The following DOC2A variants were observed in gnomAD, a reference collection of about 807,000 sequenced individuals.
DOC2A encodes double C2-like domain-containing protein alpha.
In DOC2A, 28 loss-of-function variants were observed where a neutral mutation model predicts 40.6. The observed-to-expected ratio is 0.69, with a 90% CI of 0.51 to 0.95. The LOEUF (loss-of-function observed/expected upper bound fraction) is 0.95. Among genes scored for constraint, DOC2A ranks in the 40% least tolerant of loss-of-function variants. DOC2A has a pLI of 0.00. For synonymous variants in DOC2A, 241 were observed against 236.9 expected (o/e 1.02, Z -0.16); for missense variants, 474 against 552.5 (o/e 0.86, Z 1.42).
At chr16:30,007,340 A>C (rs1262679833) in intron 5 of DOC2A, 41 bp from the exon 6 acceptor site, 2 of 1,613,108 alleles carry the variant, frequency 1.2e-6, no homozygotes, top group South Asian at 1.1e-5. Context: ...GGGGTACCTG[A>C]GCCCCGTTCC....
intron 1 of DOC2A, among the ~76,000 whole-genome samples, chr16:30,019,985 C>T (rs1438417920): frequency 2.0e-5 from 3 of 152,008 alleles, no homozygotes; most frequent in African/African-American, 7.2e-5. Flanking sequence ...TTAGGCTCAC[C>T]GCAACCTCTG....
At chr16:30,013,111 C>CA (rs1431564039), upstream of DOC2A, among the ~76,000 whole-genome samples, 4 of 122,474 alleles carry the variant, frequency 3.3e-5, no homozygotes, top group Non-Finnish European at 6.3e-5. Context: ...CCCTTGAGCT[C>CA]AGAAGTTCAA....
chr16:30,010,089 C>T lies in DOC2A; in HGVS notation c.134G>A (p.Gly45Asp), dbSNP rs1380522223. The T allele has an allele frequency of 6.2e-7, 1 of 1,612,664 alleles. No homozygotes were observed. The highest frequency in any genetic ancestry group is 1.7e-5 in the Admixed American group (1 of 59,984). Residue 45 changes from glycine to aspartate, a missense_variant, in exon 2 of 11, where the codon GGC (glycine) becomes GAC (aspartate). Gly to Asp is a moderately conservative substitution (Grantham distance 94). Transcript: ENST00000350119. This position sits in a 1 kb window ranked among gnomAD's most constrained non-coding sequence, Gnocchi z 4.2. ...YFPRGPGPEG[G>D]GGGGGEAPAH... Reference sequence around the variant, plus strand: ...GGGGGCCTCCCCGCCGCCCCCGCCGCCCCCTTCAGGTCCTGGTCCCCGGGG... The same window carrying T: ...GGGGGCCTCCCCGCCGCCCCCGCCGTCCCCTTCAGGTCCTGGTCCCCGGGG...
At chr16:30,007,388 C>T (rs1686721039) in intron 5 of DOC2A, 89 bp from the exon 6 acceptor site, 1 of 1,577,848 alleles carries the variant, frequency 6.3e-7, no homozygotes, top group African/African-American at 1.3e-5. Context: ...CCAGCTCTGC[C>T]CTAAACACTA....
At chr16:30,007,473 A>G (rs1350631416) in intron 5 of DOC2A, 174 bp from the exon 6 acceptor site, 1 of 828,182 alleles carries the variant, frequency 1.2e-6, no homozygotes, top group African/African-American at 1.7e-5. Context: ...CTCCCTCTGC[A>G]GCCACCCGGC....
intron 1 of DOC2A, among the ~76,000 whole-genome samples, chr16:30,019,134 G>A (rs1023999997): frequency 1.3e-5 from 2 of 152,130 alleles, no homozygotes; most frequent in African/African-American, 4.8e-5. Context: ...CTTGGCCAAC[G>A]TGGTGAAACC....
chr16:30,010,460 G>C lies in DOC2A; in HGVS notation c.-13-225C>G. On this transcript the variant is annotated intron_variant, in intron 1 of 10. Transcript: ENST00000350119. This position sits in a 1 kb window ranked among gnomAD's most constrained non-coding sequence, Gnocchi z 4.2. Reference sequence around the variant, plus strand: ...TGCCAACCCACTCCTTGCAGAAGTCGAGGTTGCACCACCCCGTCCTCACCC... The same window carrying C: ...TGCCAACCCACTCCTTGCAGAAGTCCAGGTTGCACCACCCCGTCCTCACCC... 2 of 624,586 alleles carry C rather than the reference G, an allele frequency of 3.2e-6. No homozygotes were observed. Among genetic ancestry groups the C allele is most frequent in the South Asian group, 3.7e-5 (2 of 54,244 alleles). The allele number at this position is 624,586 out of a possible 1,614,324, so 38.7% of individuals were successfully genotyped here. A position where few individuals can be genotyped will look rare whatever the true frequency, so the allele number is the denominator to read the frequency against.
chr16:30,007,227 G>A lies in DOC2A; in HGVS notation c.600C>T (p.Arg200=). ...AATGCTTCTTCTGCGAAGGCTTGAG[G>A]CGGCGGAGGGGCACGCGGATCTCCC... is the stretch of plus-strand genomic sequence containing the variant. ...FIGEIRVPLR[R]LKPSQKKHFN... Residue 200 remains arginine, a synonymous_variant, in exon 6 of 11, where the codon CGC becomes CGT. Transcript: ENST00000350119. 6.2e-7 allele frequency: 1 copy of A among 1,614,046 alleles called. No individual in the cohort carries two copies.
At chr16:30,012,906 G>A (rs371079028), upstream of DOC2A, among the ~76,000 whole-genome samples, 5 of 151,922 alleles carry the variant, frequency 3.3e-5, no homozygotes, top group African/African-American at 9.7e-5. Flanking sequence ...CAGGAGGATC[G>A]CTTGAACCCG....
chr16:30,016,055 A>ATT (rs59271933), upstream of DOC2A, among the ~76,000 whole-genome samples: 265 of 16,894 alleles, frequency 0.016, 10 homozygotes, highest in Middle Eastern at 0.071. Flanking sequence ...ATATATATAT[A>ATT]TTTTTTTTTT....
At position 30,008,988 on chromosome 16, in the gene DOC2A, GC is replaced by G. The variant is rs773333448; in HGVS notation, c.527+7del. The G allele has an allele frequency of 1.9e-6, 3 of 1,594,854 alleles. No homozygotes were observed. Among genetic ancestry groups the G allele is most frequent in the African/African-American group, 2.7e-5 (2 of 74,458 alleles). On this transcript the variant is annotated splice_region_variant and intron_variant, in intron 5 of 10. Coordinates refer to ENST00000350119, the MANE Select transcript of DOC2A (RefSeq NM_003586.3). ...CTGCTGCTGGGTGGTGGGGAGGGGG[GC>G]CCTCACCTGAGCACCTTGTGCGTGA...
chr16:30,015,623 T>G (rs1258460241), upstream of DOC2A, among the ~76,000 whole-genome samples: 1 of 151,654 alleles, frequency 6.6e-6, no homozygotes, highest in Non-Finnish European at 1.5e-5. Context: ...GGCCAAATTT[T>G]GGTCTTGTCT....
At chr16:30,019,896 A>T (rs141101881) in intron 1 of DOC2A, among the ~76,000 whole-genome samples, 1 of 150,860 alleles carries the variant, frequency 6.6e-6, no homozygotes, top group Admixed American at 6.6e-5. Context: ...CACCATGCCT[A>T]GTTAATCTTT....
chr16:30,014,188 A>T (rs56869323), upstream of DOC2A, among the ~76,000 whole-genome samples: 68,964 of 116,826 alleles, frequency 0.59, 16,948 homozygotes, highest in African/African-American at 0.68. Context: ...TTTTTTTTTT[A>T]AATATACAAG....
rs767171309 is a variant in DOC2A, at chr16:30,006,575, G to C, written c.960+21C>G. On this transcript the variant is annotated intron_variant, in intron 9 of 10. Transcript: ENST00000350119. The surrounding 1 kb of genome is among the most constrained non-coding windows in gnomAD (Gnocchi z 6.2). ...CAGCCCCTCCCTGGCCTCCCTCCAT[G>C]TCCCGTCCCCTCCTGGGTACCTCGT... 4 of 1,613,222 alleles carry C rather than the reference G, an allele frequency of 2.5e-6. No homozygotes were observed. The Admixed American group carries it at 6.7e-5, about 27-fold the overall frequency.
chr16:30,008,781 C>T (rs1221260047), intron 5 of DOC2A: 2 of 541,164 alleles, frequency 3.7e-6, no homozygotes, highest in South Asian at 2.0e-5. Flanking sequence ...GCTGGGATTA[C>T]AGGTGTGAGC....
chr16:30,016,694 G>A (rs761753203), upstream of DOC2A, among the ~76,000 whole-genome samples: 9 of 152,332 alleles, frequency 5.9e-5, no homozygotes, highest in Non-Finnish European at 8.8e-5. Context: ...GTCCAGAGAC[G>A]GGAGGCTTTT....
upstream of DOC2A, chr16:30,011,266 G>T (rs969239173): frequency 1.1e-6 from 1 of 925,372 alleles, no homozygotes; most frequent in Non-Finnish European, 1.3e-6. Flanking sequence ...GCGCGCACAC[G>T]CCCGTGCCCA....
rs34246709 is a variant in DOC2A, at chr16:30,006,262, G to A, written c.1127C>T (p.Pro376Leu). The A allele has an allele frequency of 1.1e-3, 1,697 of 1,599,830 alleles. 13 individuals carry two copies. In the African/African-American group the frequency reaches 0.014, roughly 13 times the overall value. Residue 376 changes from proline (P) to leucine (L), a missense_variant, in exon 11 of 11, where the codon CCG becomes CTG. Pro to Leu is a moderately conservative substitution (Grantham distance 98). Coordinates refer to ENST00000350119, the MANE Select transcript of DOC2A (RefSeq NM_003586.3). The surrounding 1 kb of genome is among the most constrained non-coding windows in gnomAD (Gnocchi z 6.2). ...RKHWSDCLQQ[P>L]DAALERWHTL... ...GTGCCAGCGCTCCAGGGCTGCGTCC[G>A]GCTGCTGCAGGCAGTCACTCCAGTG...
Sources: allele counts gnomAD v4.1 joint callset (sites outside exome capture counted in the v4.1 genomes callset), GRCh38; gene constraint gnomAD v4.1.1; non-coding constraint Gnocchi (gnomAD v3.1); transcripts MANE v1.5; gene names NCBI Gene and HGNC (gene_info 2026-07-23, HGNC 2026-07-21).